The following EYA4 variants were observed in gnomAD, a reference collection of about 807,000 sequenced individuals.
EYA4 encodes the protein protein phosphatase EYA4.
Under a neutral mutation model 87.9 loss-of-function variants are expected in EYA4, and 31 were observed. The ratio of observed to expected loss-of-function variants is 0.35; its 90% CI spans 0.27 to 0.48. The LOEUF is 0.48. Among genes scored for constraint, EYA4 ranks in the 20% least tolerant of loss-of-function variants. EYA4 has a pLI of 0.99. For synonymous variants in EYA4, 263 were observed against 270.6 expected (o/e 0.97, Z 0.28); for missense variants, 678 against 761.4 (o/e 0.89, Z 1.29).
intron 3 of EYA4, among the ~76,000 whole-genome samples, chr6:133,408,403 G>A (rs1314997072): frequency 1.3e-5 from 2 of 152,130 alleles, no homozygotes; most frequent in African/African-American, 4.8e-5. Flanking sequence ...AATGATTTAT[G>A]TAGAGGTTAA....
chr6:133,447,292 C>T (rs1792946200), intron 4 of EYA4, among the ~76,000 whole-genome samples: 1 of 151,944 alleles, frequency 6.6e-6, no homozygotes, highest in Non-Finnish European at 1.5e-5. Context: ...GCATTTTTTT[C>T]AGATAATTTC....
At chr6:133,388,717 T>C (rs975493936) in intron 3 of EYA4, among the ~76,000 whole-genome samples, 5 of 152,160 alleles carry the variant, frequency 3.3e-5, no homozygotes, top group Non-Finnish European at 5.9e-5. Flanking sequence ...CTAAAACCCA[T>C]TAAGGAAAAG....
At chr6:133,319,353 A>G (rs1306924978) in intron 2 of EYA4, among the ~76,000 whole-genome samples, 1 of 152,236 alleles carries the variant, frequency 6.6e-6, no homozygotes, top group East Asian at 1.9e-4. Flanking sequence ...CCAGGAAACT[A>G]GATGAGTAAA....
At position 133,530,337 on chromosome 6, in the gene EYA4, G is replaced by A. The variant is rs776008831; in HGVS notation, c.*1532G>A. ...AGCCCATCATCGTTGTGTTTGCATG[G>A]TTTTTTTCCTTGTGTGTAGCCCATG... On this transcript the variant is annotated 3_prime_UTR_variant, in exon 20 of 20. Coordinates refer to ENST00000355286, the MANE Select transcript of EYA4 (RefSeq NM_004100.5). The A allele has an allele frequency of 1.8e-4, 182 of 985,396 alleles. No individual in the cohort carries two copies. In the African/African-American group the frequency reaches 3.0e-3, roughly 16 times the overall value. 61.0% of individuals were successfully genotyped at this position (985,396 alleles called of 1,614,324 possible).
intron 3 of EYA4, among the ~76,000 whole-genome samples, chr6:133,394,154 C>T (rs1787551887): frequency 6.6e-6 from 1 of 152,046 alleles, no homozygotes; most frequent in Non-Finnish European, 1.5e-5. Flanking sequence ...CTTACTGTGC[C>T]AAATAACTGT....
chr6:133,342,605 A>ATATTATATATATATATATATC lies in EYA4; in HGVS notation c.34-39787_34-39786insTATTATATATATATATATATC, dbSNP rs1485897156. 4.4e-4 allele frequency among the ~76,000 whole-genome samples: 57 copies of ATATTATATATATATATATATC among 130,452 alleles called. 1 individual carries two copies. Among genetic ancestry groups the ATATTATATATATATATATATC allele is most frequent in the African/African-American group, 1.8e-3 (56 of 30,550 alleles). The allele number at this position is 130,452 out of a possible 152,430, so 85.6% of individuals were successfully genotyped here. A position where few individuals can be genotyped will look rare whatever the true frequency, so the allele number is the denominator to read the frequency against. On this transcript the variant is annotated intron_variant, in intron 2 of 19. Transcript: ENST00000355286. Reference sequence around the variant, plus strand: ...TATATATATATATATATATATATATAATTCTTTATATTTCTCTGGGCTTAA... The same window carrying ATATTATATATATATATATATC: ...TATATATATATATATATATATATATATATTATATATATATATATATCATTCTTTATATTTCTCTGGGCTTAA...
At chr6:133,480,563 G>A (rs1443167805) in intron 11 of EYA4, among the ~76,000 whole-genome samples, 1 of 152,016 alleles carries the variant, frequency 6.6e-6, no homozygotes, top group Non-Finnish European at 1.5e-5. Context: ...GACTTAGTAT[G>A]AAAAAGAAAA....
chr6:133,309,732 C>G (rs1184780791), intron 2 of EYA4, among the ~76,000 whole-genome samples: 2 of 152,164 alleles, frequency 1.3e-5, no homozygotes, highest in Non-Finnish European at 2.9e-5. Context: ...AGTTGTGGAT[C>G]TTAAAGTTCT....
chr6:133,438,959 G>A (rs1453643208), intron 3 of EYA4, among the ~76,000 whole-genome samples: 3 of 147,390 alleles, frequency 2.0e-5, no homozygotes, highest in Non-Finnish European at 4.5e-5. Flanking sequence ...GGAGAATGGT[G>A]TGAACCCAGG....
intron 3 of EYA4, among the ~76,000 whole-genome samples, chr6:133,418,051 T>C (rs778008144): frequency 2.6e-4 from 40 of 152,370 alleles, no homozygotes; most frequent in Non-Finnish European, 5.0e-4. Flanking sequence ...TGCCTTAAGC[T>C]ATTGGTTTCC....
Position 133,449,502 on chromosome 6 carries a change from A to G in EYA4, c.277+1323A>G, listed in dbSNP as rs969445574. Among the ~76,000 whole-genome samples, 5 of 152,316 alleles carry G rather than the reference A, an allele frequency of 3.3e-5. No individual in the cohort carries two copies. In the East Asian group the frequency reaches 9.6e-4, roughly 29 times the overall value. On this transcript the variant is annotated intron_variant, in intron 5 of 19. Transcript: ENST00000355286. ...AACCAGAAACATTTTTCTAAGTGGT[A>G]AGCATCAGGCTTTCCTGGTTCTTAA...
At chr6:133,275,363 C>G (rs948950432) in intron 2 of EYA4, among the ~76,000 whole-genome samples, 3 of 152,084 alleles carry the variant, frequency 2.0e-5, no homozygotes, top group Non-Finnish European at 4.4e-5. Flanking sequence ...TTAGTGGTGT[C>G]TCTGTGACAG....
chr6:133,515,291 C>G, intron 16 of EYA4, 30 bp from the exon 17 acceptor site: 1 of 1,065,826 alleles, frequency 9.4e-7, no homozygotes, highest in South Asian at 1.2e-5. Context: ...ATTCATCTCT[C>G]GACTCTGCCT....
At chr6:133,424,630 C>CTGGCTTTTTACCTTTGAAT (rs1583239950) in intron 3 of EYA4, among the ~76,000 whole-genome samples, 1 of 151,584 alleles carries the variant, frequency 6.6e-6, no homozygotes, top group African/African-American at 2.4e-5. Flanking sequence ...AAGCTCCCAC[C>CTGGCTTTTTACCTTTGAAT]CTGCCAACTT....
At chr6:133,461,955 A>T (rs368964705) in intron 7 of EYA4, among the ~76,000 whole-genome samples, 3 of 152,100 alleles carry the variant, frequency 2.0e-5, no homozygotes, top group East Asian at 3.9e-4. Context: ...GGTGAGTGTG[A>T]ATTTGCTCAT....
intron 2 of EYA4, among the ~76,000 whole-genome samples, chr6:133,346,165 G>A (rs368726121): frequency 1.4e-4 from 21 of 152,138 alleles, no homozygotes; most frequent in African/African-American, 4.8e-4. Context: ...TGGTTTATAC[G>A]TTAGTCTTTT....
chr6:133,499,486 T>C (rs1413158222), intron 13 of EYA4, among the ~76,000 whole-genome samples: 2 of 152,222 alleles, frequency 1.3e-5, no homozygotes, highest in African/African-American at 2.4e-5. Flanking sequence ...GATTCCCTTC[T>C]GACTGAAACT....
chr6:133,522,922 G>T, intron 17 of EYA4, 134 bp from the exon 18 acceptor site: 1 of 715,424 alleles, frequency 1.4e-6, no homozygotes. Flanking sequence ...GTGTCTGTCT[G>T]CTGATAGGCA....
chr6:133,309,503 T>C (rs1404592915), intron 2 of EYA4, among the ~76,000 whole-genome samples: 1 of 152,236 alleles, frequency 6.6e-6, no homozygotes, highest in Non-Finnish European at 1.5e-5. Flanking sequence ...TTTTAAAGCC[T>C]TCTAGACATT....
Sources: allele counts gnomAD v4.1 joint callset (sites outside exome capture counted in the v4.1 genomes callset), GRCh38; gene constraint gnomAD v4.1.1; transcripts MANE v1.5; gene names NCBI Gene and HGNC (gene_info 2026-07-23, HGNC 2026-07-21).